Variants in SLC2A5 observed in about 807,000 individuals in gnomAD.
The protein encoded by SLC2A5 is solute carrier family 2, facilitated glucose transporter member 5.
A neutral mutation model predicts 50.3 loss-of-function variants in SLC2A5; 56 were observed. That is an observed-to-expected ratio of 1.11 (90% CI 0.90 to 1.39). The LOEUF is 1.39. Among genes scored for constraint, SLC2A5 ranks in the 40% most tolerant of loss-of-function variants. The pLI, the probability that SLC2A5 is intolerant of heterozygous loss-of-function variation, is 0.00. For synonymous variants in SLC2A5, 269 were observed against 281.9 expected (o/e 0.95, Z 0.46); for missense variants, 566 against 650.1 (o/e 0.87, Z 1.41).
chr1:9,090,164 A>T (rs1642447980), upstream of SLC2A5, among the ~76,000 whole-genome samples: 1 of 152,148 alleles, frequency 6.6e-6, no homozygotes. Flanking sequence ...AACTAGGGGG[A>T]ATCATTCATT....
intron 1 of SLC2A5, 63 bp downstream of exon 1, chr1:9,069,441 A>G: frequency 6.4e-7 from 1 of 1,562,830 alleles, no homozygotes. Flanking sequence ...CTCTCCAGGA[A>G]GGCTGCACAG....
intron 1 of SLC2A5, among the ~76,000 whole-genome samples, chr1:9,058,536 G>C (rs954959130): frequency 6.6e-6 from 1 of 152,172 alleles, no homozygotes; most frequent in Non-Finnish European, 1.5e-5. Flanking sequence ...CCTCTCCCCA[G>C]CTGCGACAAC....
rs1055472543 is a variant in SLC2A5 at position 9,069,602 on chromosome 1, G to C, written c.-66C>G. 2 of 1,571,458 alleles carry C rather than the reference G, an allele frequency of 1.3e-6. No individual in the cohort carries two copies. Among genetic ancestry groups the C allele is most frequent in the Non-Finnish European group, 1.7e-6 (2 of 1,143,210 alleles). On this transcript the variant is annotated 5_prime_UTR_variant, in exon 1 of 12. Coordinates refer to ENST00000377424, the MANE Select transcript of SLC2A5 (RefSeq NM_003039.3). The stretch of plus-strand genomic sequence containing the variant: ...GCCAAAGTAACGCGTGCACTGAATG[G>C]AGAGAGAAGACATTCTGGGTGCACT...
At chr1:9,038,395 G>T (rs779564580) in intron 10 of SLC2A5, 36 bp downstream of exon 10, 16 of 1,494,114 alleles carry the variant, frequency 1.1e-5, no homozygotes, top group Non-Finnish European at 1.5e-5. Context: ...GACCAGGGGG[G>T]GTTGTGACAC....
chr1:9,089,552 T>C (rs1435112001), upstream of SLC2A5, among the ~76,000 whole-genome samples: 2 of 152,232 alleles, frequency 1.3e-5, no homozygotes, highest in Non-Finnish European at 2.9e-5. Flanking sequence ...CAAGCGTCTC[T>C]GTTTAAAATA....
intron 3 of SLC2A5, among the ~76,000 whole-genome samples, chr1:9,051,987 TAA>T (rs1641589608): frequency 6.6e-6 from 1 of 152,112 alleles, no homozygotes; most frequent in Non-Finnish European, 1.5e-5. Context: ...TACATATTAG[TAA>T]AAGAGGCCAA....
chr1:9,038,867 G>A lies in SLC2A5; in HGVS notation c.1059C>T (p.Leu353=), dbSNP rs773099947. The change falls in exon 9 of 12, where the codon CTC becomes CTT. Residue 353 remains leucine, a synonymous_variant. Coordinates refer to ENST00000377424, the MANE Select transcript of SLC2A5 (RefSeq NM_003039.3). The stretch of plus-strand genomic sequence containing the variant: ...CTGCAGTGAGCACGCAGCAGGCTAT[G>A]AGGCAGATGGAGAAGCCCAGCAGCA... The part of the protein sequence containing the change: ...LLLLLGFSIC[L]IACCVLTAAL... 4.2e-5 allele frequency: 68 copies of A among 1,612,626 alleles called. No individual in the cohort carries two copies. Among genetic ancestry groups the A allele is most frequent in the Non-Finnish European group, 5.4e-5 (64 of 1,179,882 alleles).
intron 5 of SLC2A5, chr1:9,041,546 AC>A: frequency 7.3e-7 from 1 of 1,364,242 alleles, no homozygotes; most frequent in Non-Finnish European, 9.5e-7. Context: ...ACTCAAAGCC[AC>A]CTCATCCATC....
chr1:9,053,480 A>T (rs1255593341), intron 3 of SLC2A5, among the ~76,000 whole-genome samples: 45 of 60,668 alleles, frequency 7.4e-4, no homozygotes, highest in Middle Eastern at 5.8e-3. Context: ...ATTTATATAT[A>T]TTATATATTT....
At chr1:9,092,619 G>C (rs1435668680), upstream of SLC2A5, among the ~76,000 whole-genome samples, 1 of 152,100 alleles carries the variant, frequency 6.6e-6, no homozygotes, top group African/African-American at 2.4e-5. Context: ...TTTTAGTTCT[G>C]GTTGATACCT....
At chr1:9,057,406 G>T (rs757187311) in intron 3 of SLC2A5, 42 bp downstream of exon 3, 10 of 1,492,044 alleles carry the variant, frequency 6.7e-6, no homozygotes, top group South Asian at 1.2e-5. Flanking sequence ...CTCTGATGGG[G>T]GTCTATGAGT....
chr1:9,080,123 G>A (rs182678105), intron 2 of SLC2A5, among the ~76,000 whole-genome samples: 11 of 152,308 alleles, frequency 7.2e-5, no homozygotes, highest in Admixed American at 3.3e-4. Flanking sequence ...CCTTCATGCT[G>A]TAACATGGAA....
At chr1:9,056,476 C>T (rs189451465) in intron 3 of SLC2A5, among the ~76,000 whole-genome samples, 2 of 152,222 alleles carry the variant, frequency 1.3e-5, no homozygotes, top group African/African-American at 2.4e-5. Flanking sequence ...TGAGCCACTG[C>T]GCCCAGCTGT....
chr1:9,076,098 G>A (rs1031969666), intron 2 of SLC2A5, among the ~76,000 whole-genome samples: 10 of 151,996 alleles, frequency 6.6e-5, no homozygotes, highest in African/African-American at 1.9e-4. Flanking sequence ...TGGAATTACA[G>A]ACGCACGCCA....
intron 3 of SLC2A5, among the ~76,000 whole-genome samples, chr1:9,054,150 G>A (rs1641696067): frequency 6.6e-6 from 1 of 152,120 alleles, no homozygotes; most frequent in Non-Finnish European, 1.5e-5. Flanking sequence ...GAACTTCATG[G>A]AGAAAATCGG....
rs1160463462 is a variant in SLC2A5, at chr1:9,055,774, C to T, written c.293+1674G>A. On this transcript the variant is annotated intron_variant, in intron 3 of 11. Transcript: ENST00000377424. ...CTACTAAAAATACAAAGATTAGCTG[C>T]GCGTGGTGGCAGACACCTGTAATCC... 6.6e-5 allele frequency among the ~76,000 whole-genome samples: 10 copies of T among 150,404 alleles called. 1 individual carries two copies. Among genetic ancestry groups the T allele is most frequent in the Admixed American group, 2.7e-4 (4 of 15,050 alleles).
At chr1:9,039,715 C>A in intron 7 of SLC2A5, 53 bp from the exon 8 acceptor site, 2 of 1,448,012 alleles carry the variant, frequency 1.4e-6, no homozygotes, top group Non-Finnish European at 1.8e-6. Flanking sequence ...GGCCTCGGCG[C>A]CAGGACCCAC....
In SLC2A5 at chr1:9,039,906, G is replaced by C. The variant is rs770313806; in HGVS notation, c.779C>G (p.Ala260Gly). 6.2e-7 allele frequency: 1 copy of C among 1,612,736 alleles called. No individual in the cohort carries two copies. The highest frequency in any genetic ancestry group is 2.2e-5 in the East Asian group (1 of 44,880). The change falls in exon 7 of 12, where the codon GCG becomes GGG. Residue 260 changes from alanine to glycine, a missense_variant. By Grantham distance (60) the Ala-to-Gly change is moderately conservative (BLOSUM62 0). Transcript: ENST00000377424. Reference sequence around the variant, plus strand: ...CAGCTTCAGCACGGAGATGAAGCCCGCGGCCTTCTCTGCCTCATCCTCCTG... The same window carrying C: ...CAGCTTCAGCACGGAGATGAAGCCCCCGGCCTTCTCTGCCTCATCCTCCTG... Reference protein sequence around the residue: ...IRQEDEAEKAAGFISVLKLFR... With the variant: ...IRQEDEAEKAGGFISVLKLFR...
intron 1 of SLC2A5, among the ~76,000 whole-genome samples, chr1:9,062,985 C>T (rs1020875826): frequency 1.3e-5 from 2 of 152,096 alleles, no homozygotes; most frequent in Admixed American, 6.6e-5. Flanking sequence ...GGTAATGGAA[C>T]GGGCCACGGT....
Sources: gnomAD v4.1 joint callset for allele counts (sites outside exome capture counted in the v4.1 genomes callset) on GRCh38, gnomAD v4.1.1 for gene constraint, MANE v1.5 for transcripts, NCBI Gene and HGNC (gene_info 2026-07-23, HGNC 2026-07-21) for gene names.